The following SND1 variants were observed in gnomAD, a reference collection of about 807,000 sequenced individuals.
SND1 encodes staphylococcal nuclease and tudor domain containing 1, also known as staphylococcal nuclease domain-containing protein 1.
A neutral mutation model predicts 121.7 loss-of-function variants in SND1; 38 were observed. That is an observed-to-expected ratio of 0.31 (90% CI 0.24 to 0.41). The LOEUF (loss-of-function observed/expected upper bound fraction) is 0.41, where lower values mean the gene tolerates loss of function less well. Ranked by LOEUF, SND1 falls within the 10% of genes least tolerant of loss-of-function variation. SND1 has a pLI of 1.00. For synonymous variants in SND1, 401 were observed against 447.4 expected (o/e 0.90, Z 1.31); for missense variants, 868 against 1,184.6 (o/e 0.73, Z 3.92).
chr7:127,706,576 T>C (rs1371525670), intron 8 of SND1, among the ~76,000 whole-genome samples: 1 of 152,036 alleles, frequency 6.6e-6, no homozygotes, highest in Non-Finnish European at 1.5e-5. Flanking sequence ...TGCCTTTCTT[T>C]CAAGAAAGTG....
chr7:127,835,388 T>A (rs1196510209), intron 11 of SND1, among the ~76,000 whole-genome samples: 1 of 152,190 alleles, frequency 6.6e-6, no homozygotes, highest in Non-Finnish European at 1.5e-5. Context: ...TGACTGCTGG[T>A]GACCTTGGAA....
intron 1 of SND1, among the ~76,000 whole-genome samples, chr7:127,663,968 T>C (rs1271521660): frequency 1.3e-5 from 2 of 152,166 alleles, no homozygotes; most frequent in African/African-American, 4.8e-5. Flanking sequence ...GATATTGTGA[T>C]GTAAAAAGAA....
At chr7:128,026,098 T>C (rs753813810) in intron 16 of SND1, among the ~76,000 whole-genome samples, 2 of 152,180 alleles carry the variant, frequency 1.3e-5, no homozygotes, top group Non-Finnish European at 2.9e-5. Context: ...CAATTTCCTC[T>C]GAATGCATAC....
chr7:127,756,475 G>A (rs892505402), intron 10 of SND1, among the ~76,000 whole-genome samples: 1 of 152,190 alleles, frequency 6.6e-6, no homozygotes, highest in Non-Finnish European at 1.5e-5. Flanking sequence ...AATATGGTGG[G>A]GGTATGTTTT....
intron 13 of SND1, among the ~76,000 whole-genome samples, chr7:127,893,233 G>A (rs560120963): frequency 2.2e-4 from 34 of 152,160 alleles, no homozygotes; most frequent in East Asian, 5.8e-4. Flanking sequence ...TGTGAATTTC[G>A]TCATCATGCT....
chr7:127,697,339 G>A (rs904277807), intron 3 of SND1, among the ~76,000 whole-genome samples: 8 of 152,124 alleles, frequency 5.3e-5, no homozygotes, highest in South Asian at 2.1e-4. Flanking sequence ...TTTTGCAGGC[G>A]CATTCAGAAC....
Position 127,921,161 on chromosome 7 carries a change from G to A in SND1, c.1528-8027G>A, listed in dbSNP as rs1007299807. ...AGAAAAGAAATGTCAGTAGGCATAA[G>A]TACTTAGTAGAACTTTTTTCTTTAT... On this transcript the variant is annotated intron_variant, in intron 14 of 23. Transcript: ENST00000354725. 5.9e-5 allele frequency among the ~76,000 whole-genome samples: 9 copies of A among 152,310 alleles called. No homozygotes were observed. In the South Asian group the frequency reaches 1.9e-3, roughly 32 times the overall value.
At position 128,001,907 on chromosome 7, in the gene SND1, G is replaced by A. The variant is rs1476573846; in HGVS notation, c.1779+10851G>A. 3.9e-5 allele frequency among the ~76,000 whole-genome samples: 6 copies of A among 152,180 alleles called. No homozygotes were observed. In the East Asian group the frequency reaches 5.8e-4, roughly 15 times the overall value. On this transcript the variant is annotated intron_variant, in intron 16 of 23. Coordinates refer to ENST00000354725, the MANE Select transcript of SND1 (RefSeq NM_014390.4). The stretch of plus-strand genomic sequence containing the variant: ...GATCGCACCACTGCACTCCAGTCTT[G>A]GCAACAAGAGCGAAACTCCATCTCA...
intron 1 of SND1, among the ~76,000 whole-genome samples, chr7:127,657,959 C>A (rs1795240384): frequency 6.6e-6 from 1 of 152,104 alleles, no homozygotes. Context: ...TTCTGGTACC[C>A]TGGTGAGATC....
chr7:127,976,828 CCTGGGGCTGCTG>C (rs1347352995), intron 15 of SND1, among the ~76,000 whole-genome samples: 13 of 152,254 alleles, frequency 8.5e-5, no homozygotes, highest in African/African-American at 2.4e-4. Context: ...CTCCACAGTG[CCTGGGGCTGCTG>C]CTGAGAGACA....
intron 14 of SND1, among the ~76,000 whole-genome samples, chr7:127,926,764 T>TGTTGTTGTA (rs1554443880): frequency 6.7e-6 from 1 of 150,220 alleles, no homozygotes; most frequent in African/African-American, 2.5e-5. Context: ...TTGTTGTTGT[T>TGTTGTTGTA]GTACTTTTAG....
intron 10 of SND1, among the ~76,000 whole-genome samples, chr7:127,796,323 T>C (rs984343554): frequency 6.6e-6 from 1 of 152,172 alleles, no homozygotes; most frequent in Admixed American, 6.5e-5. Flanking sequence ...CTTTGAGATT[T>C]ACTAACCAGA....
chr7:127,959,755 G>C (rs531268119), intron 15 of SND1, among the ~76,000 whole-genome samples: 1 of 152,124 alleles, frequency 6.6e-6, no homozygotes, highest in Admixed American at 6.5e-5. Flanking sequence ...GTTAAATTGC[G>C]AGAAGGTGAG....
At position 127,773,049 on chromosome 7, in the gene SND1, C is replaced by T. The variant is rs1797545049; in HGVS notation, c.1153-34435C>T. Among the ~76,000 whole-genome samples, 6 of 152,210 alleles carry T rather than the reference C, an allele frequency of 3.9e-5. No homozygotes were observed. The South Asian group carries it at 1.2e-3, about 32-fold the overall frequency. On this transcript the variant is annotated intron_variant, in intron 10 of 23. Coordinates refer to ENST00000354725, the MANE Select transcript of SND1 (RefSeq NM_014390.4). The stretch of plus-strand genomic sequence containing the variant: ...CACCACACACTGAATGGAGAAACCA[C>T]AGTGAAAGCTTTTTCATTTTAGTCC...
intron 18 of SND1, chr7:128,081,742 C>A: frequency 3.2e-6 from 2 of 629,746 alleles, no homozygotes; most frequent in East Asian, 6.0e-5. Context: ...GAGGTGCTGC[C>A]GGACAGGTCC....
At chr7:127,893,532 G>A (rs1251190499) in intron 13 of SND1, among the ~76,000 whole-genome samples, 5 of 152,022 alleles carry the variant, frequency 3.3e-5, no homozygotes, top group Admixed American at 1.3e-4. Flanking sequence ...TTTCAAGATC[G>A]GATGTATATA....
intron 16 of SND1, among the ~76,000 whole-genome samples, chr7:128,040,726 G>C (rs1792840483): frequency 6.6e-6 from 1 of 152,186 alleles, no homozygotes; most frequent in African/African-American, 2.4e-5. Flanking sequence ...GTCCTTTTCT[G>C]GGTTTCTTCT....
chr7:127,883,772 C>A (rs533624107), intron 12 of SND1, among the ~76,000 whole-genome samples: 157 of 152,272 alleles, frequency 1.0e-3, no homozygotes, highest in African/African-American at 3.5e-3. Context: ...TGGAATAGTT[C>A]TTCAGTCTTT....
chr7:128,091,804 C>A (rs371044105), intron 22 of SND1, 33 bp from the exon 23 acceptor site: 43 of 1,612,990 alleles, frequency 2.7e-5, no homozygotes, highest in Middle Eastern at 3.5e-4. Flanking sequence ...GAGGGCAACT[C>A]TGACCACTCC....
Sources: allele counts gnomAD v4.1 joint callset (sites outside exome capture counted in the v4.1 genomes callset), GRCh38; gene constraint gnomAD v4.1.1; transcripts MANE v1.5; gene names NCBI Gene and HGNC (gene_info 2026-07-23, HGNC 2026-07-21).